CD47: variants seen among roughly 807,000 people sequenced by gnomAD.
CD47 encodes CD47 molecule, also known as leukocyte surface antigen CD47.
CD47 carries 11 observed loss-of-function variants against 44.6 expected under a neutral mutation model. That is an observed-to-expected ratio of 0.25 (90% CI 0.16 to 0.41). The LOEUF is 0.41. Ranked by LOEUF, CD47 falls within the 10% of genes least tolerant of loss-of-function variation. The pLI is 1.00. For synonymous variants in CD47, 140 were observed against 136.3 expected (o/e 1.03, Z -0.19); for missense variants, 306 against 386.7 (o/e 0.79, Z 1.75).
chr3:108,090,973 G>T lies in CD47; in HGVS notation c.-65C>A, dbSNP rs2079627823. 8.0e-7 allele frequency: 1 copy of T among 1,255,380 alleles called. No homozygotes were observed. The highest frequency in any genetic ancestry group is 1.1e-6 in the Non-Finnish European group (1 of 943,498). 77.8% of individuals were successfully genotyped at this position (1,255,380 alleles called of 1,614,324 possible). On this transcript the variant is annotated 5_prime_UTR_variant, in exon 1 of 11. Transcript: ENST00000361309. ...GTCCGGAGCAGCAGCCGCCGCCGCC[G>T]TTACAGGCAGGACCGACCGCCGCCG... is the stretch of plus-strand genomic sequence containing the variant.
intron 2 of CD47, among the ~76,000 whole-genome samples, chr3:108,077,404 T>C (rs1484139456): frequency 6.6e-6 from 1 of 152,126 alleles, no homozygotes; most frequent in East Asian, 1.9e-4. Context: ...CACCAGATAC[T>C]GGTGAGGATG....
At position 108,046,927 on chromosome 3, in the gene CD47, G is replaced by A. The variant is rs1215296016; in HGVS notation, c.*361C>T. The A allele has an allele frequency of 4.9e-6, 1 of 203,380 alleles. No individual in the cohort carries two copies. The highest frequency in any genetic ancestry group is 2.3e-5 in the African/African-American group (1 of 43,414). The allele number at this position is 203,380 out of a possible 1,614,324, so 12.6% of individuals were successfully genotyped here. A position where few individuals can be genotyped will look rare whatever the true frequency, so the allele number is the denominator to read the frequency against. On this transcript the variant is annotated 3_prime_UTR_variant, in exon 11 of 11. Transcript: ENST00000361309. ...GTAATCACCAGGGCAGTGCTAAGTAGTTATCACCCTGAACCAATTTAAACT... is the reference window on the plus strand; with the variant it reads ...GTAATCACCAGGGCAGTGCTAAGTAATTATCACCCTGAACCAATTTAAACT...
At chr3:108,052,369 C>A in intron 7 of CD47, 1 of 187,276 alleles carries the variant, frequency 5.3e-6, no homozygotes, top group Non-Finnish European at 1.1e-5. Flanking sequence ...ACTACTCCAT[C>A]TCCCTTAGCT....
Position 108,043,127 on chromosome 3 carries a change from C to G in CD47, c.*4161G>C, listed in dbSNP as rs1270245428. On this transcript the variant is annotated 3_prime_UTR_variant, in exon 11 of 11. Coordinates refer to ENST00000361309, the MANE Select transcript of CD47 (RefSeq NM_001777.4). Reference sequence around the variant, plus strand: ...TAAAACTTTTAATTAAAACTCTGCTCTAATTAAAAGCTTATTGGGTATTAT... The same window carrying G: ...TAAAACTTTTAATTAAAACTCTGCTGTAATTAAAAGCTTATTGGGTATTAT... 1 of 152,406 alleles carries G rather than the reference C, an allele frequency of 6.6e-6. No individual in the cohort carries two copies. The highest frequency in any genetic ancestry group is 1.5e-5 in the Non-Finnish European group (1 of 68,000). The allele number at this position is 152,406 out of a possible 1,614,324, so 9.4% of individuals were successfully genotyped here.
chr3:108,082,033 A>G (rs7619476), intron 1 of CD47, among the ~76,000 whole-genome samples: 69,009 of 151,752 alleles, frequency 0.45, 15,839 homozygotes, highest in Middle Eastern at 0.5. Context: ...ATTTCCCCTG[A>G]GAGAGAAACA....
intron 3 of CD47, among the ~76,000 whole-genome samples, chr3:108,065,458 G>A (rs538872543): frequency 1.3e-5 from 2 of 152,134 alleles, no homozygotes; most frequent in South Asian, 2.1e-4. Flanking sequence ...ATAACAGAAT[G>A]TGATCATTAT....
chr3:108,071,487 G>GCCA (rs1209031429), intron 2 of CD47, among the ~76,000 whole-genome samples: 4 of 152,200 alleles, frequency 2.6e-5, no homozygotes, highest in Non-Finnish European at 5.9e-5. Flanking sequence ...TGGCCACACT[G>GCCA]CCAGGGTTTG....
chr3:108,084,170 T>C, intron 1 of CD47, among the ~76,000 whole-genome samples: 1 of 151,956 alleles, frequency 6.6e-6, no homozygotes, highest in Non-Finnish European at 1.5e-5. Context: ...TCCAATTCAC[T>C]CCTTAAATCT....
Position 108,074,389 on chromosome 3 carries a change from C to T in CD47, c.401-3207G>A, listed in dbSNP as rs566977782. ...AGTGCAGTGGTGTGGTCTCAGCTCA[C>T]TGCAACCTCCACCTCCCGGGTTCAA... On this transcript the variant is annotated intron_variant, in intron 2 of 10. Transcript: ENST00000361309. Among the ~76,000 whole-genome samples, 227 of 152,178 alleles carry T rather than the reference C, an allele frequency of 1.5e-3. 1 individual carries two copies. The highest frequency in any genetic ancestry group is 5.3e-3 in the African/African-American group (221 of 41,510).
intron 3 of CD47, among the ~76,000 whole-genome samples, chr3:108,061,798 T>C (rs1446364012): frequency 6.6e-6 from 1 of 152,214 alleles, no homozygotes; most frequent in Non-Finnish European, 1.5e-5. Flanking sequence ...CTGCTGTGTG[T>C]CATCCACATA....
chr3:108,060,276 G>A (rs1250032711), intron 4 of CD47, among the ~76,000 whole-genome samples: 1 of 152,196 alleles, frequency 6.6e-6, no homozygotes, highest in Non-Finnish European at 1.5e-5. Context: ...TATGGCAAAA[G>A]ATATGATGAA....
intron 1 of CD47, among the ~76,000 whole-genome samples, chr3:108,081,634 A>G (rs926024032): frequency 2.0e-5 from 3 of 151,932 alleles, no homozygotes; most frequent in African/African-American, 7.2e-5. Flanking sequence ...TAAGCAACTC[A>G]CTTTTCTATG....
intron 1 of CD47, among the ~76,000 whole-genome samples, chr3:108,082,758 G>A (rs1026697462): frequency 4.6e-5 from 7 of 151,958 alleles, no homozygotes; most frequent in Non-Finnish European, 8.8e-5. Flanking sequence ...AATACAGAAA[G>A]CAATAATTAT....
chr3:108,090,145 A>G (rs1413551198), intron 1 of CD47, among the ~76,000 whole-genome samples: 3 of 152,214 alleles, frequency 2.0e-5, no homozygotes, highest in Admixed American at 6.5e-5. Flanking sequence ...ATAAAGTGGG[A>G]AAAACTTCAA....
At chr3:108,064,564 A>G (rs2079071943) in intron 3 of CD47, among the ~76,000 whole-genome samples, 1 of 152,176 alleles carries the variant, frequency 6.6e-6, no homozygotes. Context: ...GATAAAATCA[A>G]GTCTATCATG....
At chr3:108,060,940 GAAGTACTAT>G (rs2079001907) in intron 3 of CD47, 88 bp from the exon 4 acceptor site, 4 of 802,688 alleles carry the variant, frequency 5.0e-6, no homozygotes, top group Middle Eastern at 2.3e-4. Flanking sequence ...CAAACTGACA[GAAGTACTAT>G]AATGTAATAA....
intron 7 of CD47, chr3:108,054,761 T>C (rs1443964591): frequency 6.6e-6 from 1 of 152,248 alleles, no homozygotes; most frequent in Non-Finnish European, 1.5e-5. Context: ...TATACATAGA[T>C]ATAAATTCTA....
chr3:108,047,364 TA>T (rs1576981714), intron 10 of CD47, 72 bp from the exon 11 acceptor site: 4 of 1,250,526 alleles, frequency 3.2e-6, no homozygotes, highest in South Asian at 1.3e-5. Flanking sequence ...GTTGACACAT[TA>T]AAAAAAGTTT....
intron 3 of CD47, among the ~76,000 whole-genome samples, chr3:108,062,989 T>A (rs1471536508): frequency 6.6e-6 from 1 of 151,990 alleles, no homozygotes; most frequent in African/African-American, 2.4e-5. Context: ...AGAGTTTGAA[T>A]CTCATATAAA....
Sources: allele counts gnomAD v4.1 joint callset (sites outside exome capture counted in the v4.1 genomes callset), GRCh38; gene constraint gnomAD v4.1.1; transcripts MANE v1.5; gene names NCBI Gene and HGNC (gene_info 2026-07-23, HGNC 2026-07-21).